The following LRBA variants were observed in gnomAD, a reference collection of about 807,000 sequenced individuals.
LRBA encodes lipopolysaccharide-responsive and beige-like anchor protein.
LRBA carries 176 observed loss-of-function variants against 330.0 expected under a neutral mutation model. The observed-to-expected ratio is 0.53, with a 90% CI of 0.47 to 0.60. The LOEUF (loss-of-function observed/expected upper bound fraction) is 0.60. LRBA is among the 20% of genes least tolerant of loss of function. The pLI is 0.00. For synonymous variants in LRBA, 1,230 were observed against 1,193.0 expected, an observed-to-expected ratio of 1.03 and a Z score of -0.64; for missense variants, 3,259 against 3,444.8, an observed-to-expected ratio of 0.95 and a Z score of 1.35.
intron 20 of LRBA, 60 bp from the exon 21 acceptor site, chr4:150,868,365 G>C: frequency 8.0e-7 from 1 of 1,256,758 alleles, no homozygotes; most frequent in East Asian, 2.4e-5. Flanking sequence ...ATGATAGAAG[G>C]TCATCCATCT....
chr4:150,482,888 T>C (rs1757449789), intron 42 of LRBA, among the ~76,000 whole-genome samples: 1 of 152,098 alleles, frequency 6.6e-6, no homozygotes, highest in Admixed American at 6.6e-5. Context: ...TCTTGTTATA[T>C]AGTATGTTTC....
intron 37 of LRBA, among the ~76,000 whole-genome samples, chr4:150,682,689 A>T (rs1294060044): frequency 6.6e-6 from 1 of 152,114 alleles, no homozygotes. Context: ...ACATAAGTTG[A>T]TTAAAACACA....
chr4:150,480,247 T>C (rs542318543), intron 42 of LRBA, among the ~76,000 whole-genome samples: 2 of 152,096 alleles, frequency 1.3e-5, no homozygotes, highest in Non-Finnish European at 2.9e-5. Context: ...CAATACCCTA[T>C]ACCATGAGAG....
intron 40 of LRBA, among the ~76,000 whole-genome samples, chr4:150,517,567 G>T (rs1762485642): frequency 6.6e-6 from 1 of 151,924 alleles, no homozygotes; most frequent in Non-Finnish European, 1.5e-5. Flanking sequence ...GATGATGGGG[G>T]CAAGAGGAGA....
chr4:150,929,453 G>A (rs996144499), intron 2 of LRBA, among the ~76,000 whole-genome samples: 1 of 152,126 alleles, frequency 6.6e-6, no homozygotes, highest in African/African-American at 2.4e-5. Flanking sequence ...AACAACTTAT[G>A]AGCTCACGGT....
intron 40 of LRBA, among the ~76,000 whole-genome samples, chr4:150,510,170 AC>A (rs1181717734): frequency 1.3e-5 from 2 of 152,048 alleles, no homozygotes; most frequent in African/African-American, 4.8e-5. Flanking sequence ...AAACTACCAA[AC>A]CCCTTTCAAG....
At chr4:150,506,928 G>A (rs140934574) in intron 40 of LRBA, among the ~76,000 whole-genome samples, 3 of 151,422 alleles carry the variant, frequency 2.0e-5, no homozygotes, top group Non-Finnish European at 2.9e-5. Flanking sequence ...TCTTATACAC[G>A]AATAACAGAC....
chr4:150,615,673 T>C (rs906254668), intron 37 of LRBA, among the ~76,000 whole-genome samples: 4 of 152,186 alleles, frequency 2.6e-5, no homozygotes, highest in African/African-American at 9.6e-5. Flanking sequence ...TTAAACATGT[T>C]TTATTCAGGG....
At chr4:150,351,561 C>T (rs991337247) in intron 47 of LRBA, among the ~76,000 whole-genome samples, 14 of 151,966 alleles carry the variant, frequency 9.2e-5, no homozygotes, top group Non-Finnish European at 1.8e-4. Flanking sequence ...TGGTGGCGGG[C>T]GCCTGTAGTC....
At chr4:150,461,375 G>T (rs1187938264) in intron 44 of LRBA, among the ~76,000 whole-genome samples, 1 of 151,806 alleles carries the variant, frequency 6.6e-6, no homozygotes, top group African/African-American at 2.4e-5. Context: ...AAATTGAGCA[G>T]AAGATTTATA....
At chr4:150,442,422 A>C (rs1441195397) in intron 44 of LRBA, among the ~76,000 whole-genome samples, 1 of 152,208 alleles carries the variant, frequency 6.6e-6, no homozygotes, top group Non-Finnish European at 1.5e-5. Context: ...AACTGAAAAG[A>C]AGCTCAGGAA....
chr4:150,829,907 A>G (rs1018881681), intron 29 of LRBA, among the ~76,000 whole-genome samples: 1 of 152,100 alleles, frequency 6.6e-6, no homozygotes, highest in Non-Finnish European at 1.5e-5. Context: ...TTCACCTTTA[A>G]TCTACTCCAC....
chr4:150,735,457 T>G, intron 35 of LRBA, 91 bp from the exon 36 acceptor site: 2 of 836,050 alleles, frequency 2.4e-6, no homozygotes, highest in Non-Finnish European at 4.0e-6. Flanking sequence ...GAAGGAATAC[T>G]TACTTTCTTC....
At chr4:150,489,497 TATATATAAGAATATATA>T (rs1758559136) in intron 41 of LRBA, among the ~76,000 whole-genome samples, 13 of 39,438 alleles carry the variant, frequency 3.3e-4, no homozygotes, top group African/African-American at 5.7e-4. Context: ...TATAATATAT[TATATATAAGAATATATA>T]ATATATAAGA....
chr4:150,733,578 A>T (rs6837018), intron 36 of LRBA, among the ~76,000 whole-genome samples: 3,216 of 17,442 alleles, frequency 0.18, 35 homozygotes, highest in Non-Finnish European at 0.41. Context: ...TCTCTCTCTC[A>T]CACACACACA....
At chr4:150,971,595 T>C (rs967057498) in intron 2 of LRBA, among the ~76,000 whole-genome samples, 17 of 152,178 alleles carry the variant, frequency 1.1e-4, no homozygotes, top group Admixed American at 7.2e-4. Context: ...ATAAAATCTA[T>C]AGTGAAATAA....
intron 22 of LRBA, among the ~76,000 whole-genome samples, chr4:150,861,871 C>T (rs1751984285): frequency 6.6e-6 from 1 of 151,890 alleles, no homozygotes; most frequent in Non-Finnish European, 1.5e-5. Context: ...ATCCCAGCTA[C>T]TTGGGAGGCT....
rs1262401844 is a variant in LRBA, at chr4:150,868,195, T to C, written c.2560A>G (p.Arg854Gly). Residue 854 changes from arginine (R) to glycine (G), a missense_variant, in exon 21 of 57, where the codon AGA becomes GGA. Arg to Gly is a moderately radical substitution (Grantham distance 125). Transcript: ENST00000651943. ...GATTCAGCTTACCTCCTGTTTTCTCTACTGTTATTAAAAAGTTTAATCATG... is the reference window on the plus strand; with the variant it reads ...GATTCAGCTTACCTCCTGTTTTCTCCACTGTTATTAAAAAGTTTAATCATG... ...SDMIKLFNNSRENRRSLLQCS... is the reference protein window; with the variant it reads ...SDMIKLFNNSGENRRSLLQCS... The C allele has an allele frequency of 6.2e-7, 1 of 1,611,998 alleles. No homozygotes were observed. Among genetic ancestry groups the C allele is most frequent in the Admixed American group, 1.7e-5 (1 of 59,824 alleles).
chr4:150,745,380 T>C (rs1311236691), intron 35 of LRBA, among the ~76,000 whole-genome samples: 1 of 151,632 alleles, frequency 6.6e-6, no homozygotes, highest in Non-Finnish European at 1.5e-5. Flanking sequence ...AATAATCTAC[T>C]AAAGATGAAA....
Sources: allele counts gnomAD v4.1 joint callset (sites outside exome capture counted in the v4.1 genomes callset), GRCh38; gene constraint gnomAD v4.1.1; transcripts MANE v1.5; gene names NCBI Gene and HGNC (gene_info 2026-07-23, HGNC 2026-07-21).